The following ANKRD30BL variants were observed in gnomAD, a reference collection of about 807,000 sequenced individuals.
The protein encoded by ANKRD30BL is ankyrin repeat domain 30B like.
Under a neutral mutation model 18.4 loss-of-function variants are expected in ANKRD30BL, and 20 were observed. The observed-to-expected ratio is 1.09, with a 90% CI of 0.77 to 1.58. The LOEUF is 1.58. ANKRD30BL is among the 40% of genes most tolerant of loss of function. The probability of loss-of-function intolerance (pLI) is 0.00; values close to 1 mark genes in which losing one functional copy is unlikely to be tolerated. For synonymous variants in ANKRD30BL, 72 were observed against 100.9 expected, an observed-to-expected ratio of 0.71 and a Z score of 1.72; for missense variants, 224 against 268.6, an observed-to-expected ratio of 0.83 and a Z score of 1.16.
chr2:132,202,615 A>G (rs927242805), intron 1 of ANKRD30BL, among the ~76,000 whole-genome samples: 48 of 152,142 alleles, frequency 3.2e-4, no homozygotes, highest in Non-Finnish European at 6.6e-4. Flanking sequence ...GATATGCAAT[A>G]GAGTCATTGT....
At chr2:132,148,523 C>T (rs1408812702) in intron 5 of ANKRD30BL, among the ~76,000 whole-genome samples, 1 of 151,620 alleles carries the variant, frequency 6.6e-6, no homozygotes, top group Non-Finnish European at 1.5e-5. Flanking sequence ...ATGCATGCCA[C>T]CCAGGCCCAG....
chr2:132,201,384 G>C (rs558884777), intron 1 of ANKRD30BL, among the ~76,000 whole-genome samples: 1 of 151,902 alleles, frequency 6.6e-6, no homozygotes, highest in Non-Finnish European at 1.5e-5. Context: ...GAAAATTTTC[G>C]CAACCTACTC....
chr2:132,244,648 T>C (rs1398598667), intron 1 of ANKRD30BL, among the ~76,000 whole-genome samples: 3 of 152,292 alleles, frequency 2.0e-5, no homozygotes, highest in Admixed American at 6.5e-5. Context: ...TGCACTCAAA[T>C]CACAGAATTG....
upstream of ANKRD30BL, among the ~76,000 whole-genome samples, chr2:132,162,353 G>A (rs1267940667): frequency 1.3e-5 from 2 of 152,198 alleles, no homozygotes; most frequent in East Asian, 3.9e-4. Context: ...CCATGTTCAG[G>A]TGGCAGCTGC....
At chr2:132,246,218 A>G (rs1680495627) in intron 1 of ANKRD30BL, among the ~76,000 whole-genome samples, 1 of 151,818 alleles carries the variant, frequency 6.6e-6, no homozygotes, top group African/African-American at 2.4e-5. Flanking sequence ...TTCATAGAGC[A>G]GTTTTGCAAC....
chr2:132,222,729 A>T (rs1382233486), intron 1 of ANKRD30BL, among the ~76,000 whole-genome samples: 1 of 149,426 alleles, frequency 6.7e-6, no homozygotes, highest in Non-Finnish European at 1.5e-5. Flanking sequence ...GCCTAGGAAA[A>T]CCAGAGACCT....
At chr2:132,225,152 TCA>T (rs1379429711) in intron 1 of ANKRD30BL, among the ~76,000 whole-genome samples, 1 of 152,042 alleles carries the variant, frequency 6.6e-6, no homozygotes, top group Non-Finnish European at 1.5e-5. Context: ...GGGAATATCT[TCA>T]CATAATCACT....
At chr2:132,181,172 T>C (rs1199749478) in intron 1 of ANKRD30BL, among the ~76,000 whole-genome samples, 1 of 151,124 alleles carries the variant, frequency 6.6e-6, no homozygotes, top group East Asian at 2.0e-4. Flanking sequence ...TAAAAAAATA[T>C]TAAAATGAGG....
chr2:132,172,397 G>A (rs1407545436), intron 1 of ANKRD30BL, among the ~76,000 whole-genome samples: 1 of 152,034 alleles, frequency 6.6e-6, no homozygotes, highest in Non-Finnish European at 1.5e-5. Flanking sequence ...ATTTTCTGGG[G>A]TTTCTTTTCT....
intron 1 of ANKRD30BL, among the ~76,000 whole-genome samples, chr2:132,226,185 C>T (rs1403505009): frequency 1.3e-5 from 2 of 151,528 alleles, no homozygotes; most frequent in Non-Finnish European, 2.9e-5. Context: ...AATATCTTCT[C>T]ATAAAAACTA....
intron 1 of ANKRD30BL, among the ~76,000 whole-genome samples, chr2:132,184,845 ACT>A: frequency 6.6e-6 from 1 of 151,852 alleles, no homozygotes; most frequent in East Asian, 1.9e-4. Flanking sequence ...ATGGAGTCTA[ACT>A]CTGTCACCCA....
chr2:132,197,803 AT>A (rs1458872424), intron 1 of ANKRD30BL, among the ~76,000 whole-genome samples: 1 of 151,898 alleles, frequency 6.6e-6, no homozygotes, highest in African/African-American at 2.4e-5. Context: ...AGTGTTGGAT[AT>A]TTTTACTAAA....
chr2:132,172,619 T>A (rs1421588589), intron 1 of ANKRD30BL, among the ~76,000 whole-genome samples: 3 of 152,176 alleles, frequency 2.0e-5, no homozygotes, highest in Non-Finnish European at 2.9e-5. Flanking sequence ...CTATTATACA[T>A]ATTATATCCA....
At chr2:132,162,951 G>A (rs373858864), upstream of ANKRD30BL, among the ~76,000 whole-genome samples, 2 of 151,704 alleles carry the variant, frequency 1.3e-5, no homozygotes, top group East Asian at 1.9e-4. Context: ...GGCGGGTCCC[G>A]TTTAGAGGGC....
intron 1 of ANKRD30BL, among the ~76,000 whole-genome samples, chr2:132,182,354 T>C (rs1482176549): frequency 4.6e-5 from 7 of 151,424 alleles, no homozygotes; most frequent in African/African-American, 1.7e-4. Context: ...TGGTGGTGGG[T>C]GCCTGTAGTC....
At chr2:132,217,378 A>G (rs1286679861) in intron 1 of ANKRD30BL, among the ~76,000 whole-genome samples, 3 of 152,074 alleles carry the variant, frequency 2.0e-5, no homozygotes, top group African/African-American at 4.8e-5. Flanking sequence ...GTTTTTGTAG[A>G]ATCTGCAAGT....
At chr2:132,188,972 AGCAACCTAGCAATTTTCACAG>A (rs1317035340) in intron 1 of ANKRD30BL, among the ~76,000 whole-genome samples, 1 of 152,162 alleles carries the variant, frequency 6.6e-6, no homozygotes, top group Non-Finnish European at 1.5e-5. Context: ...AATGAAAACG[AGCAACCTAGCAATTTTCACAG>A]GCCTCAGGAA....
intron 5 of ANKRD30BL, 117 bp from the exon 6 acceptor site, chr2:132,148,345 T>C (rs1361841861): frequency 2.4e-5 from 13 of 550,264 alleles, no homozygotes; most frequent in Admixed American, 3.6e-5. Context: ...CAAACTTTTG[T>C]TTTCTCCTTT....
intron 1 of ANKRD30BL, among the ~76,000 whole-genome samples, chr2:132,215,639 G>A (rs989110978): frequency 2.0e-5 from 3 of 151,740 alleles, no homozygotes; most frequent in Non-Finnish European, 2.9e-5. Flanking sequence ...TCCTTTTGTA[G>A]CATCTGCAAG....
Sources: allele counts gnomAD v4.1 joint callset (sites outside exome capture counted in the v4.1 genomes callset), GRCh38; gene constraint gnomAD v4.1.1; transcripts MANE v1.5; gene names NCBI Gene and HGNC (gene_info 2026-07-23, HGNC 2026-07-21).